NACC2: variants seen among roughly 807,000 people sequenced by gnomAD.
NACC2 encodes the protein NACC family member 2, also known as nucleus accumbens-associated protein 2.
NACC2 carries 8 observed loss-of-function variants against 25.1 expected under a neutral mutation model. The ratio of observed to expected loss-of-function variants is 0.32; its 90% CI spans 0.19 to 0.57. The LOEUF (loss-of-function observed/expected upper bound fraction) is 0.57, where lower values mean the gene tolerates loss of function less well. Ranked by LOEUF, NACC2 falls within the 20% of genes least tolerant of loss-of-function variation. The probability of loss-of-function intolerance (pLI) is 0.89; values close to 1 mark genes in which losing one functional copy is unlikely to be tolerated. For synonymous variants in NACC2, 435 were observed against 294.7 expected, an observed-to-expected ratio of 1.48 and a Z score of -4.88; for missense variants, 644 against 650.2, an observed-to-expected ratio of 0.99 and a Z score of 0.10.
intron 2 of NACC2, among the ~76,000 whole-genome samples, chr9:136,023,044 GGGAA>G: frequency 1.1e-5 from 1 of 88,618 alleles, no homozygotes; most frequent in Admixed American, 1.4e-4. Flanking sequence ...GAAGGAGGGA[GGGAA>G]GGAGGGAGGA....
At chr9:136,076,360 C>T (rs918568849) in intron 1 of NACC2, among the ~76,000 whole-genome samples, 2 of 152,100 alleles carry the variant, frequency 1.3e-5, no homozygotes, top group South Asian at 4.1e-4. Context: ...GCCCATACCA[C>T]GACAAAAATG....
chr9:136,019,566 T>TA lies in NACC2; in HGVS notation c.887-3138dup, dbSNP rs1238700025. 1 of 152,172 alleles carries TA rather than the reference T, an allele frequency of 6.6e-6. No homozygotes were observed. The highest frequency in any genetic ancestry group is 1.5e-5 in the Non-Finnish European group (1 of 68,056). The allele number at this position is 152,172 out of a possible 1,614,324, so 9.4% of individuals were successfully genotyped here. ...CATGGTGACATCTGGGAACAGCTCATAAAGAGCAATGAGCTAACTGCATGG... is the reference window on the plus strand; with the variant it reads ...CATGGTGACATCTGGGAACAGCTCATAAAAGAGCAATGAGCTAACTGCATGG... On this transcript the variant is annotated intron_variant, in intron 2 of 5. Coordinates refer to ENST00000277554, the MANE Select transcript of NACC2 (RefSeq NM_144653.5). The surrounding 1 kb of genome is among the most constrained non-coding windows in gnomAD (Gnocchi z 5.2).
In NACC2 at chr9:136,049,917, G is replaced by A. The variant is rs1822120541; in HGVS notation, c.605C>T (p.Ala202Val). The A allele has an allele frequency of 2.4e-5, 14 of 580,700 alleles. No homozygotes were observed. The South Asian group carries it at 2.4e-4, about 10-fold the overall frequency. 36.0% of individuals were successfully genotyped at this position (580,700 alleles called of 1,614,324 possible). ...PLETGPRDGV[A>V]VAAGAAVAAG... ...CGCCACCGCAGCCCCCGCGGCCACC[G>A]CCACGCCGTCCCGGGGCCCCGTCTC... Residue 202 changes from alanine to valine, a missense_variant, in exon 2 of 6, where the codon GCG (alanine) becomes GTG (valine). Coordinates refer to ENST00000277554, the MANE Select transcript of NACC2 (RefSeq NM_144653.5).
At chr9:136,038,897 C>T (rs1019596313) in intron 2 of NACC2, among the ~76,000 whole-genome samples, 5 of 152,052 alleles carry the variant, frequency 3.3e-5, no homozygotes, top group South Asian at 4.1e-4. Context: ...GAGCTAAAAA[C>T]GATCATATTC....
rs778368786 is a variant in NACC2 at position 136,013,176 on chromosome 9, C to A, written c.1255+23G>T. 1 of 1,471,356 alleles carries A rather than the reference C, an allele frequency of 6.8e-7. No individual in the cohort carries two copies. The highest frequency in any genetic ancestry group is 9.5e-7 in the Non-Finnish European group (1 of 1,055,606). The allele number at this position is 1,471,356 out of a possible 1,614,324, so 91.1% of individuals were successfully genotyped here. A position where few individuals can be genotyped will look rare whatever the true frequency, so the allele number is the denominator to read the frequency against. On this transcript the variant is annotated intron_variant, in intron 5 of 5. Transcript: ENST00000277554. The surrounding 1 kb of genome is among the most constrained non-coding windows in gnomAD (Gnocchi z 6.6). Reference sequence around the variant, plus strand: ...TGAACCCAGCCCCGGCCCCACCCACCCGAGAGACCCCCAGGCTCTTACATT... The same window carrying A: ...TGAACCCAGCCCCGGCCCCACCCACACGAGAGACCCCCAGGCTCTTACATT...
intron 2 of NACC2, among the ~76,000 whole-genome samples, chr9:136,021,148 TATCTAAAAAATATAAAGAA>T: frequency 6.6e-6 from 1 of 152,320 alleles, no homozygotes; most frequent in East Asian, 1.9e-4. Context: ...AAAGGACTTG[TATCTAAAAAATATAAAGAA>T]ATCTCGATAC....
At chr9:136,062,124 G>A (rs1354030095) in intron 1 of NACC2, among the ~76,000 whole-genome samples, 24 of 69,432 alleles carry the variant, frequency 3.5e-4, no homozygotes, top group African/African-American at 8.9e-4. Flanking sequence ...AGACAGGACA[G>A]GACAGGACAG....
chr9:136,051,117 C>T (rs1840827230), intron 1 of NACC2, among the ~76,000 whole-genome samples: 1 of 152,194 alleles, frequency 6.6e-6, no homozygotes, highest in African/African-American at 2.4e-5. Context: ...CGCAGAGGGC[C>T]CCTGCGGGGA....
At chr9:136,039,424 T>G (rs1355104106) in intron 2 of NACC2, among the ~76,000 whole-genome samples, 1 of 152,084 alleles carries the variant, frequency 6.6e-6, no homozygotes, top group African/African-American at 2.4e-5. Context: ...TATCAAACAC[T>G]TCAACAACAT....
chr9:136,083,578 G>T (rs970762067), intron 1 of NACC2, among the ~76,000 whole-genome samples: 4 of 152,246 alleles, frequency 2.6e-5, no homozygotes, highest in Non-Finnish European at 4.4e-5. Flanking sequence ...GGGAAAACGC[G>T]GACACCTGTG....
intron 2 of NACC2, among the ~76,000 whole-genome samples, chr9:136,044,380 C>T (rs956416625): frequency 3.3e-4 from 51 of 152,246 alleles, no homozygotes; most frequent in East Asian, 7.8e-4. Flanking sequence ...CTGGGCATAG[C>T]GGCACATGAC....
chr9:136,024,502 AATGT>A (rs778060017), intron 2 of NACC2, among the ~76,000 whole-genome samples: 2 of 23,078 alleles, frequency 8.7e-5, no homozygotes, highest in African/African-American at 1.4e-4. Flanking sequence ...GTGAGGACAG[AATGT>A]GTGTGTGTGT....
At chr9:136,045,823 G>A (rs913039358) in intron 2 of NACC2, among the ~76,000 whole-genome samples, 1 of 152,160 alleles carries the variant, frequency 6.6e-6, no homozygotes, top group Admixed American at 6.5e-5. Context: ...CTGTTGCAGG[G>A]ACCTGTGGAT....
At chr9:136,090,344 G>A (rs926559517) in intron 1 of NACC2, among the ~76,000 whole-genome samples, 11 of 152,300 alleles carry the variant, frequency 7.2e-5, no homozygotes, top group South Asian at 6.2e-4. Context: ...CAAGACCGCC[G>A]CAGAAGAACC....
At chr9:136,071,862 C>A (rs1035468586) in intron 1 of NACC2, among the ~76,000 whole-genome samples, 1 of 152,246 alleles carries the variant, frequency 6.6e-6, no homozygotes, top group Admixed American at 6.5e-5. Context: ...GAAGAGCCGG[C>A]CTTTGAAGCC....
At chr9:136,067,625 C>G (rs1294678950) in intron 1 of NACC2, among the ~76,000 whole-genome samples, 6 of 152,118 alleles carry the variant, frequency 3.9e-5, no homozygotes, top group African/African-American at 1.4e-4. Context: ...ATCACGAGGT[C>G]AAGAGATCGA....
chr9:136,081,010 G>C (rs1830317931), intron 1 of NACC2, among the ~76,000 whole-genome samples: 1 of 152,160 alleles, frequency 6.6e-6, no homozygotes, highest in Non-Finnish European at 1.5e-5. Flanking sequence ...GATTAACAGA[G>C]GTGATGGAGG....
chr9:136,024,532 TGGACAGTGTGTGTGA>T lies in NACC2; in HGVS notation c.887-8118_887-8104del, dbSNP rs1470288967. On this transcript the variant is annotated intron_variant, in intron 2 of 5. Coordinates refer to ENST00000277554, the MANE Select transcript of NACC2 (RefSeq NM_144653.5). ...GTGTGTGTGTGTGTGTGTGTGTGTG[TGGACAGTGTGTGTGA>T]GGACAGTGTGTGTAAGGACAGAGTG... 3.3e-4 allele frequency among the ~76,000 whole-genome samples: 39 copies of T among 117,748 alleles called. No homozygotes were observed. The Middle Eastern group carries it at 0.016, about 50-fold the overall frequency. The allele number at this position is 117,748 out of a possible 152,430, so 77.2% of individuals were successfully genotyped here. A position where few individuals can be genotyped will look rare whatever the true frequency, so the allele number is the denominator to read the frequency against.
rs1564233127 is a variant in NACC2 at position 136,055,532 on chromosome 9, G to GC, written c.-59-4953dup. On this transcript the variant is annotated intron_variant, in intron 1 of 5. Transcript: ENST00000277554. The surrounding 1 kb of genome is among the most constrained non-coding windows in gnomAD (Gnocchi z 4.9). ...CTCGCCCAGAGTCCCCAGAAACCCT[G>GC]CCCCCTCCACCCCTAGATTGTAAAG... is the stretch of plus-strand genomic sequence containing the variant. Among the ~76,000 whole-genome samples, 1 of 152,146 alleles carries GC rather than the reference G, an allele frequency of 6.6e-6. No homozygotes were observed. Among genetic ancestry groups the GC allele is most frequent in the Non-Finnish European group, 1.5e-5 (1 of 68,024 alleles).
Sources: allele counts gnomAD v4.1 joint callset (sites outside exome capture counted in the v4.1 genomes callset), GRCh38; gene constraint gnomAD v4.1.1; non-coding constraint Gnocchi (gnomAD v3.1); transcripts MANE v1.5; gene names NCBI Gene and HGNC (gene_info 2026-07-23, HGNC 2026-07-21).